Variants in PFDN4 observed in about 807,000 individuals in gnomAD.
The protein encoded by PFDN4 is prefoldin 4.
Under a neutral mutation model 17.6 loss-of-function variants are expected in PFDN4, and 6 were observed. The observed-to-expected ratio is 0.34, with a 90% CI of 0.19 to 0.67. PFDN4 has a LOEUF of 0.67. Ranked by LOEUF, PFDN4 falls within the 30% of genes least tolerant of loss-of-function variation. The pLI is 0.68. For synonymous variants in PFDN4, 48 were observed against 51.1 expected (o/e 0.94, Z 0.26); for missense variants, 119 against 158.4 (o/e 0.75, Z 1.33).
chr20:54,214,584 C>G (rs893993286), intron 2 of PFDN4, 126 bp downstream of exon 2: 5 of 532,764 alleles, frequency 9.4e-6, no homozygotes, highest in Middle Eastern at 4.8e-4. Context: ...GCGATCCACT[C>G]TAGTTAAGCA....
At chr20:54,218,168 CT>C (rs890877175) in intron 3 of PFDN4, among the ~76,000 whole-genome samples, 10 of 130,106 alleles carry the variant, frequency 7.7e-5, no homozygotes, top group Non-Finnish European at 1.6e-4. Flanking sequence ...CAGGAAGGAA[CT>C]TAATGGCTTT....
chr20:54,215,450 A>C lies in PFDN4; in HGVS notation c.273+10A>C. The C allele has an allele frequency of 1.3e-6, 2 of 1,563,092 alleles. No homozygotes were observed. The highest frequency in any genetic ancestry group is 1.7e-6 in the Non-Finnish European group (2 of 1,146,160). On this transcript the variant is annotated intron_variant, in intron 3 of 3. Coordinates refer to ENST00000371419, the MANE Select transcript of PFDN4 (RefSeq NM_002623.4). Reference sequence around the variant, plus strand: ...GTTAGAAGAAGCAAAGGTATGTTAAAGGTTAATTCTGAAATTAGAATTTAT... The same window carrying C: ...GTTAGAAGAAGCAAAGGTATGTTAACGGTTAATTCTGAAATTAGAATTTAT...
intron 3 of PFDN4, among the ~76,000 whole-genome samples, chr20:54,218,332 T>C (rs950145026): frequency 6.6e-6 from 1 of 152,120 alleles, no homozygotes; most frequent in Non-Finnish European, 1.5e-5. Flanking sequence ...AATTGTATTT[T>C]CTTTTTTTTA....
chr20:54,215,222 T>G lies in PFDN4; in HGVS notation c.133-78T>G, dbSNP rs183379263. ...GTGAGAGGGTCCCTCAGAGAGTTGC[T>G]GTCCCCAAATTACAATTGGCCTTTA... On this transcript the variant is annotated intron_variant, in intron 2 of 3. Transcript: ENST00000371419. 1.8e-5 allele frequency: 18 copies of G among 1,003,624 alleles called. No individual in the cohort carries two copies. The African/African-American group carries it at 2.9e-4, about 16-fold the overall frequency. 62.2% of individuals were successfully genotyped at this position (1,003,624 alleles called of 1,614,324 possible).
chr20:54,210,271 G>A (rs2092754011), intron 1 of PFDN4, among the ~76,000 whole-genome samples: 2 of 152,194 alleles, frequency 1.3e-5, no homozygotes, highest in African/African-American at 4.8e-5. Context: ...AACTTTGGAG[G>A]CTTTAAGAGT....
intron 3 of PFDN4, 122 bp downstream of exon 3, chr20:54,215,562 G>A: frequency 1.6e-6 from 1 of 620,372 alleles, no homozygotes; most frequent in Non-Finnish European, 2.7e-6. Context: ...TATGTCCCAG[G>A]CATGCTCCGA....
chr20:54,216,629 T>C (rs1261720487), intron 3 of PFDN4, among the ~76,000 whole-genome samples: 1 of 152,050 alleles, frequency 6.6e-6, no homozygotes, highest in East Asian at 1.9e-4. Context: ...AGATAGCTAC[T>C]GAACTTTTAT....
chr20:54,219,083 C>T lies in PFDN4; in HGVS notation c.338C>T (p.Ala113Val). The change falls in exon 4 of 4, where the codon GCA becomes GTA. Residue 113 changes from alanine (A) to valine (V), a missense_variant. Coordinates refer to ENST00000371419, the MANE Select transcript of PFDN4 (RefSeq NM_002623.4). ...GTGGAATCAATTCAGCGAGTGTTAG[C>T]AGATTTGAAAGTTCAGTTGTATGCA... ...SRVESIQRVL[A>V]DLKVQLYAKF... The T allele has an allele frequency of 6.3e-7, 1 of 1,594,404 alleles. No homozygotes were observed. Among genetic ancestry groups the T allele is most frequent in the South Asian group, 1.1e-5 (1 of 88,240 alleles).
At chr20:54,214,153 T>A (rs973468150) in intron 1 of PFDN4, among the ~76,000 whole-genome samples, 198 bp from the exon 2 acceptor site, 1 of 152,198 alleles carries the variant, frequency 6.6e-6, no homozygotes, top group African/African-American at 2.4e-5. Context: ...TTTTATGGAG[T>A]ATCAGAAAAG....
At chr20:54,209,184 A>C (rs2092752463) in intron 1 of PFDN4, among the ~76,000 whole-genome samples, 2 of 152,192 alleles carry the variant, frequency 1.3e-5, no homozygotes, top group Non-Finnish European at 2.9e-5. Flanking sequence ...AACAATGAGA[A>C]AACAGGCGCG....
chr20:54,218,932 TA>T, intron 3 of PFDN4, 86 bp from the exon 4 acceptor site: 2 of 891,304 alleles, frequency 2.2e-6, no homozygotes, highest in Non-Finnish European at 3.4e-6. Flanking sequence ...GTTCTTGACC[TA>T]AAATTCTTCC....
intron 3 of PFDN4, among the ~76,000 whole-genome samples, chr20:54,216,159 A>G (rs1383163802): frequency 2.0e-5 from 3 of 152,070 alleles, no homozygotes; most frequent in Non-Finnish European, 4.4e-5. Flanking sequence ...ATAATTAGAG[A>G]AATATAATTA....
chr20:54,217,510 A>G (rs2092764199), intron 3 of PFDN4, among the ~76,000 whole-genome samples: 1 of 152,208 alleles, frequency 6.6e-6, no homozygotes, highest in Non-Finnish European at 1.5e-5. Flanking sequence ...TAAATACGTT[A>G]GGTTTTGTGG....
At chr20:54,208,352 G>A (rs1322585715) in intron 1 of PFDN4, 2 of 439,292 alleles carry the variant, frequency 4.6e-6, no homozygotes, top group Non-Finnish European at 7.9e-6. Context: ...GCTGGGGCCG[G>A]GAGCCTCGAA....
intron 1 of PFDN4, among the ~76,000 whole-genome samples, chr20:54,209,209 A>G (rs536790693): frequency 2.0e-5 from 3 of 152,342 alleles, no homozygotes; most frequent in African/African-American, 4.8e-5. Context: ...CAAAGCTAGC[A>G]TTTAAACACA....
intron 3 of PFDN4, among the ~76,000 whole-genome samples, chr20:54,216,431 A>G (rs1237644712): frequency 6.6e-6 from 1 of 152,216 alleles, no homozygotes; most frequent in Non-Finnish European, 1.5e-5. Context: ...CAGAAGAACT[A>G]TCACTCCTGG....
In PFDN4 at chr20:54,219,571, A is replaced by G. The variant is rs1311466702; in HGVS notation, c.*421A>G. 1 of 393,472 alleles carries G rather than the reference A, an allele frequency of 2.5e-6. No individual in the cohort carries two copies. Among genetic ancestry groups the G allele is most frequent in the Non-Finnish European group, 4.5e-6 (1 of 223,740 alleles). The allele number at this position is 393,472 out of a possible 1,614,324, so 24.4% of individuals were successfully genotyped here. ...ACAATCCTGCATCCTTGCTTATTTCACAACTAAAGCTTTGTCATAGACTTC... is the reference window on the plus strand; with the variant it reads ...ACAATCCTGCATCCTTGCTTATTTCGCAACTAAAGCTTTGTCATAGACTTC... On this transcript the variant is annotated 3_prime_UTR_variant, in exon 4 of 4. Transcript: ENST00000371419.
intron 1 of PFDN4, among the ~76,000 whole-genome samples, chr20:54,212,402 A>T (rs1333662427): frequency 6.6e-6 from 1 of 152,166 alleles, no homozygotes; most frequent in African/African-American, 2.4e-5. Flanking sequence ...CCAGTGGGAA[A>T]ACCACTGTAA....
intron 3 of PFDN4, among the ~76,000 whole-genome samples, chr20:54,217,651 G>A (rs537193052): frequency 5.9e-5 from 9 of 152,258 alleles, no homozygotes; most frequent in African/African-American, 1.4e-4. Flanking sequence ...GCCCACTCCC[G>A]TCCCAGAGCA....
Sources: gnomAD v4.1 joint callset for allele counts (sites outside exome capture counted in the v4.1 genomes callset) on GRCh38, gnomAD v4.1.1 for gene constraint, MANE v1.5 for transcripts, NCBI Gene and HGNC (gene_info 2026-07-23, HGNC 2026-07-21) for gene names.